The following FNDC1 variants were observed in gnomAD, a reference collection of about 807,000 sequenced individuals.
FNDC1 encodes the protein fibronectin type III domain containing 1.
In FNDC1, 96 loss-of-function variants were observed where a neutral mutation model predicts 168.0. The observed-to-expected ratio is 0.57, with a 90% CI of 0.48 to 0.68. The LOEUF (loss-of-function observed/expected upper bound fraction) is 0.68. FNDC1 is among the 30% of genes least tolerant of loss of function. The pLI, the probability that FNDC1 is intolerant of heterozygous loss-of-function variation, is 0.00. For missense variants in FNDC1, 2,587 were observed against 2,482.1 expected (o/e 1.04, Z -0.90); for synonymous variants, 1,099 against 1,025.9 (o/e 1.07, Z -1.36).
intron 15 of FNDC1, among the ~76,000 whole-genome samples, chr6:159,247,996 C>T (rs115877697): frequency 0.021 from 3,149 of 152,260 alleles, 109 homozygotes; most frequent in African/African-American, 0.072. Context: ...ATTCATAGCT[C>T]TAATTGTCTT....
chr6:159,236,414 G>A (rs753179885), intron 12 of FNDC1, 99 bp downstream of exon 12: 1 of 782,910 alleles, frequency 1.3e-6, no homozygotes, highest in South Asian at 1.7e-5. Context: ...GTCTTTGTTT[G>A]TTCTTCTTCT....
chr6:159,237,959 G>C (rs774281738), intron 12 of FNDC1, among the ~76,000 whole-genome samples: 1 of 152,092 alleles, frequency 6.6e-6, no homozygotes, highest in Non-Finnish European at 1.5e-5. Flanking sequence ...GAGACACATT[G>C]TTTCCTTCTT....
chr6:159,206,559 A>T (rs1294572529), intron 4 of FNDC1, among the ~76,000 whole-genome samples: 2 of 152,196 alleles, frequency 1.3e-5, no homozygotes, highest in Non-Finnish European at 2.9e-5. Flanking sequence ...GTGGGCATTG[A>T]CAAGAGTGTT....
chr6:159,192,593 C>T (rs987498141), intron 1 of FNDC1, among the ~76,000 whole-genome samples: 8 of 152,098 alleles, frequency 5.3e-5, no homozygotes, highest in African/African-American at 1.9e-4. Flanking sequence ...GTTGTCTGAA[C>T]CAAGATTTTG....
chr6:159,215,253 T>A, intron 5 of FNDC1, 102 bp downstream of exon 5: 1 of 1,002,272 alleles, frequency 1.0e-6, no homozygotes. Context: ...TTAGTTGTAA[T>A]GTCCACTTGC....
rs770871387 is a variant in FNDC1 at position 159,233,202 on chromosome 6, C to T, written c.2690C>T (p.Ser897Phe). ...GTTGTCAATGACCACGTGCCTTCCT[C>T]CTCCAGGCAGCCCATCTCCCGGGGC... The part of the protein sequence containing the change: ...ATVVNDHVPS[S>F]SRQPISRGWE... Residue 897 changes from serine (S) to phenylalanine (F), a missense_variant, in exon 11 of 23, where the codon TCC becomes TTC. Ser to Phe is a radical substitution (Grantham distance 155). Coordinates refer to ENST00000297267, the MANE Select transcript of FNDC1 (RefSeq NM_032532.3). This position sits in a 1 kb window ranked among gnomAD's most constrained non-coding sequence, Gnocchi z 4.6. The T allele has an allele frequency of 1.9e-6, 3 of 1,612,854 alleles. No individual in the cohort carries two copies. The highest frequency in any genetic ancestry group is 2.2e-5 in the South Asian group (2 of 90,782).
At chr6:159,178,751 T>C (rs988145802) in intron 1 of FNDC1, among the ~76,000 whole-genome samples, 2 of 151,948 alleles carry the variant, frequency 1.3e-5, no homozygotes, top group African/African-American at 4.8e-5. Context: ...TTTTTCTTTT[T>C]TTTTTTTTGT....
chr6:159,264,882 T>A, intron 19 of FNDC1, 93 bp from the exon 20 acceptor site: 1 of 978,466 alleles, frequency 1.0e-6, no homozygotes, highest in Non-Finnish European at 1.5e-6. Context: ...TTTATTCTAA[T>A]TTGGTTAGCT....
At position 159,234,235 on chromosome 6, in the gene FNDC1, G is replaced by A; in HGVS notation, c.3723G>A (p.Lys1241=). 6.3e-7 allele frequency: 1 copy of A among 1,592,200 alleles called. No homozygotes were observed. The highest frequency in any genetic ancestry group is 1.3e-5 in the African/African-American group (1 of 74,464). Residue 1241 remains lysine, a synonymous_variant, in exon 11 of 23, where the codon AAG becomes AAA. Transcript: ENST00000297267. ...GCGGAGGGAGCCTGGCTCCTGTGAA[G>A]CGACCTCTCCCCCCACCTCCAGGCA... ...APRGGSLAPV[K]RPLPPPPGSS...
chr6:159,202,221 A>AAAC (rs1178746885), intron 4 of FNDC1, among the ~76,000 whole-genome samples: 3 of 152,332 alleles, frequency 2.0e-5, no homozygotes, highest in Non-Finnish European at 2.9e-5. Flanking sequence ...GCAGAACTTA[A>AAAC]AACAACAACA....
At chr6:159,252,977 A>G (rs1777300164) in intron 17 of FNDC1, among the ~76,000 whole-genome samples, 1 of 152,194 alleles carries the variant, frequency 6.6e-6, no homozygotes, top group Admixed American at 6.5e-5. Flanking sequence ...AACTCCCAAC[A>G]AATGTCTCTG....
chr6:159,229,286 A>G (rs976212474), intron 9 of FNDC1, among the ~76,000 whole-genome samples: 8 of 152,236 alleles, frequency 5.3e-5, no homozygotes, highest in Admixed American at 4.6e-4. Context: ...ATCAGGATAT[A>G]CTAAGAACTT....
At chr6:159,263,643 T>A (rs987082796) in intron 19 of FNDC1, among the ~76,000 whole-genome samples, 6 of 152,054 alleles carry the variant, frequency 3.9e-5, no homozygotes, top group African/African-American at 1.4e-4. Context: ...GCGCCTGTAG[T>A]CCCAGCTACT....
intron 4 of FNDC1, among the ~76,000 whole-genome samples, chr6:159,203,323 G>A (rs1266027236): frequency 6.6e-6 from 1 of 152,178 alleles, no homozygotes; most frequent in African/African-American, 2.4e-5. Context: ...GTGACGGTTT[G>A]GGAGCCTAGG....
At chr6:159,183,685 A>G (rs1297441127) in intron 1 of FNDC1, among the ~76,000 whole-genome samples, 3 of 152,212 alleles carry the variant, frequency 2.0e-5, no homozygotes, top group Non-Finnish European at 4.4e-5. Flanking sequence ...AGACGGGGTG[A>G]CCAATGATGT....
At chr6:159,189,356 A>C (rs1331092108) in intron 1 of FNDC1, among the ~76,000 whole-genome samples, 1 of 152,212 alleles carries the variant, frequency 6.6e-6, no homozygotes, top group African/African-American at 2.4e-5. Flanking sequence ...CCACATCTCC[A>C]GTCCAGCTCC....
chr6:159,197,693 T>C, intron 2 of FNDC1, 68 bp downstream of exon 2: 1 of 1,418,448 alleles, frequency 7.0e-7, no homozygotes, highest in Non-Finnish European at 9.7e-7. Context: ...GTTGCATTCT[T>C]AGGATGACTG....
chr6:159,181,953 T>A (rs573108930), intron 1 of FNDC1, among the ~76,000 whole-genome samples: 104 of 152,322 alleles, frequency 6.8e-4, no homozygotes, highest in African/African-American at 2.3e-3. Context: ...GTCTGTTTTT[T>A]AATACCACTT....
intron 22 of FNDC1, among the ~76,000 whole-genome samples, chr6:159,269,621 ATC>A (rs1777700680): frequency 6.6e-6 from 1 of 150,824 alleles, no homozygotes; most frequent in Admixed American, 6.6e-5. Flanking sequence ...CTATCTATCT[ATC>A]TATCTATCTA....
Sources: gnomAD v4.1 joint callset for allele counts (sites outside exome capture counted in the v4.1 genomes callset) on GRCh38, gnomAD v4.1.1 for gene constraint, Gnocchi (gnomAD v3.1) non-coding constraint, MANE v1.5 for transcripts, NCBI Gene and HGNC (gene_info 2026-07-23, HGNC 2026-07-21) for gene names.